NCKAP5: variants seen among roughly 807,000 people sequenced by gnomAD.
The protein encoded by NCKAP5 is nck-associated protein 5.
In NCKAP5, 92 loss-of-function variants were observed where a neutral mutation model predicts 167.0. The observed-to-expected ratio is 0.55, with a 90% CI of 0.47 to 0.66. The LOEUF is 0.66. Among genes scored for constraint, NCKAP5 ranks in the 30% least tolerant of loss-of-function variants. The probability of loss-of-function intolerance (pLI) is 0.00; values close to 1 mark genes in which losing one functional copy is unlikely to be tolerated. For synonymous variants in NCKAP5, 891 were observed against 877.4 expected, an observed-to-expected ratio of 1.02 and a Z score of -0.27; for missense variants, 2,378 against 2,315.0, an observed-to-expected ratio of 1.03 and a Z score of -0.56.
At chr2:133,094,922 TGA>T (rs2081299069) in intron 6 of NCKAP5, among the ~76,000 whole-genome samples, 1 of 152,210 alleles carries the variant, frequency 6.6e-6, no homozygotes, top group Middle Eastern at 3.4e-3. Context: ...TAGCCCCCTC[TGA>T]GAGCAAGAAA....
rs181918440 is a variant in NCKAP5 at position 133,423,775 on chromosome 2, A to G, written c.69+93683T>C. Reference sequence around the variant, plus strand: ...CTCATGGAAAATAACTAGCAAATACAACTAACATTTCCAGAAGTAAACCAT... The same window carrying G: ...CTCATGGAAAATAACTAGCAAATACGACTAACATTTCCAGAAGTAAACCAT... On this transcript the variant is annotated intron_variant, in intron 3 of 19. Coordinates refer to ENST00000409261, the MANE Select transcript of NCKAP5 (RefSeq NM_207363.3). Among the ~76,000 whole-genome samples the G allele has an allele frequency of 2.2e-4, 33 of 152,342 alleles. No homozygotes were observed. In the East Asian group the frequency reaches 5.6e-3, roughly 26 times the overall value.
At chr2:133,367,135 C>T (rs1685501025) in intron 3 of NCKAP5, among the ~76,000 whole-genome samples, 1 of 152,214 alleles carries the variant, frequency 6.6e-6, no homozygotes, top group Non-Finnish European at 1.5e-5. Flanking sequence ...AACAAAACAA[C>T]AGCAGAAACA....
chr2:133,306,005 T>A (rs559429667), intron 3 of NCKAP5, among the ~76,000 whole-genome samples: 18 of 152,366 alleles, frequency 1.2e-4, no homozygotes, highest in African/African-American at 3.8e-4. Flanking sequence ...CCTTCATACC[T>A]GTATCATTTC....
chr2:132,867,387 A>G (rs2148750251), intron 10 of NCKAP5, among the ~76,000 whole-genome samples: 1 of 152,272 alleles, frequency 6.6e-6, no homozygotes, highest in African/African-American at 2.4e-5. Flanking sequence ...AGCAATTATA[A>G]TTTGTCCTCC....
chr2:133,104,835 G>C (rs1201214620), intron 6 of NCKAP5, among the ~76,000 whole-genome samples: 1 of 152,108 alleles, frequency 6.6e-6, no homozygotes, highest in African/African-American at 2.4e-5. Context: ...TTCAATTATT[G>C]AAGTGTGCCT....
At chr2:132,959,967 C>T (rs2076463169) in intron 8 of NCKAP5, among the ~76,000 whole-genome samples, 2 of 152,132 alleles carry the variant, frequency 1.3e-5, no homozygotes, top group Admixed American at 1.3e-4. Context: ...CACCAATATA[C>T]ACCAAGTGAT....
intron 6 of NCKAP5, among the ~76,000 whole-genome samples, chr2:133,098,979 A>T (rs2081423043): frequency 6.6e-6 from 1 of 152,180 alleles, no homozygotes; most frequent in South Asian, 2.1e-4. Context: ...TTCATCAGAC[A>T]CAGACTTGGC....
intron 3 of NCKAP5, among the ~76,000 whole-genome samples, chr2:133,316,116 CTT>C (rs1681592156): frequency 6.6e-6 from 1 of 152,144 alleles, no homozygotes; most frequent in Non-Finnish European, 1.5e-5. Context: ...CCTTGGGACA[CTT>C]TTGGAGAATG....
chr2:133,319,876 G>T (rs982800881), intron 3 of NCKAP5, among the ~76,000 whole-genome samples: 1 of 152,096 alleles, frequency 6.6e-6, no homozygotes, highest in Admixed American at 6.5e-5. Context: ...AATTAAATTT[G>T]CTATAATAAC....
At chr2:133,223,308 A>G (rs2086734101) in intron 4 of NCKAP5, among the ~76,000 whole-genome samples, 1 of 152,176 alleles carries the variant, frequency 6.6e-6, no homozygotes, top group Non-Finnish European at 1.5e-5. Context: ...GATCCCAAGA[A>G]TAAGAGCCCG....
intron 19 of NCKAP5, among the ~76,000 whole-genome samples, chr2:132,697,883 C>A (rs549410190): frequency 3.3e-5 from 5 of 152,242 alleles, no homozygotes; most frequent in African/African-American, 9.6e-5. Context: ...ACTTTTTCTT[C>A]TTTAAAATAG....
At chr2:133,187,259 T>C (rs1476894280) in intron 5 of NCKAP5, among the ~76,000 whole-genome samples, 2 of 152,078 alleles carry the variant, frequency 1.3e-5, no homozygotes, top group African/African-American at 4.8e-5. Flanking sequence ...TTGTATAGTT[T>C]TGAGAGATCT....
At chr2:133,584,941 A>AGAAGGAAGGAAGGAAGGAAGGAAGGAAG in the NCKAP5 span, among the ~76,000 whole-genome samples, 1 of 113,812 alleles carries the variant, frequency 8.8e-6, no homozygotes, top group Non-Finnish European at 1.8e-5. Flanking sequence ...AAAAAAAGAA[A>AGAAGGAAGGAAGGAAGGAAGGAAGGAAG]GAAGGAAGGA....
chr2:132,989,411 G>C (rs1479183899), intron 7 of NCKAP5, among the ~76,000 whole-genome samples: 1 of 152,160 alleles, frequency 6.6e-6, no homozygotes, highest in African/African-American at 2.4e-5. Flanking sequence ...AACACCTAGA[G>C]AGAATGAGCT....
chr2:132,899,640 C>T (rs573045413), intron 8 of NCKAP5, among the ~76,000 whole-genome samples: 14 of 152,286 alleles, frequency 9.2e-5, no homozygotes, highest in East Asian at 7.7e-4. Flanking sequence ...TTTGGAAGGC[C>T]GAAGCGGGCA....
chr2:133,609,905 G>A, the NCKAP5 span, among the ~76,000 whole-genome samples: 1 of 152,114 alleles, frequency 6.6e-6, no homozygotes, highest in Non-Finnish European at 1.5e-5. Flanking sequence ...GTAGAAAAGA[G>A]GGCACCACCT....
intron 3 of NCKAP5, among the ~76,000 whole-genome samples, chr2:133,349,761 T>C (rs1684228087): frequency 6.6e-6 from 1 of 152,172 alleles, no homozygotes; most frequent in African/African-American, 2.4e-5. Flanking sequence ...CTTAAATATC[T>C]CTTCAAACAG....
chr2:133,465,044 C>T (rs1692463576), intron 3 of NCKAP5, among the ~76,000 whole-genome samples: 1 of 151,442 alleles, frequency 6.6e-6, no homozygotes, highest in South Asian at 2.1e-4. Flanking sequence ...TTTTAGGGTA[C>T]ATGTGCACAT....
At chr2:132,892,457 C>A (rs986827323) in intron 8 of NCKAP5, among the ~76,000 whole-genome samples, 1 of 152,082 alleles carries the variant, frequency 6.6e-6, no homozygotes, top group Non-Finnish European at 1.5e-5. Flanking sequence ...TTCAGAGATA[C>A]AAATCTATGA....
Sources: gnomAD v4.1 joint callset for allele counts (sites outside exome capture counted in the v4.1 genomes callset) on GRCh38, gnomAD v4.1.1 for gene constraint, MANE v1.5 for transcripts, NCBI Gene and HGNC (gene_info 2026-07-23, HGNC 2026-07-21) for gene names.